Variants in AFDN observed in about 807,000 individuals in gnomAD.
AFDN encodes afadin.
A neutral mutation model predicts 216.6 loss-of-function variants in AFDN; 68 were observed. The observed-to-expected ratio is 0.31, with a 90% CI of 0.26 to 0.38. The LOEUF (loss-of-function observed/expected upper bound fraction) is 0.38, where lower values mean the gene tolerates loss of function less well. AFDN is among the 10% of genes least tolerant of loss of function. The probability of loss-of-function intolerance (pLI) is 1.00; values close to 1 mark genes in which losing one functional copy is unlikely to be tolerated. For missense variants in AFDN, 2,136 were observed against 2,342.0 expected (o/e 0.91, Z 1.82); for synonymous variants, 868 against 853.7 (o/e 1.02, Z -0.29).
intron 1 of AFDN, among the ~76,000 whole-genome samples, chr6:167,859,847 A>T (rs1480334995): frequency 1.3e-5 from 2 of 149,834 alleles, no homozygotes; most frequent in East Asian, 4.0e-4. Flanking sequence ...TTTGTTTTGG[A>T]GTTGACCTAA....
At position 167,962,694 on chromosome 6, in the gene AFDN, C is replaced by T; in HGVS notation, c.4968+127C>T. On this transcript the variant is annotated intron_variant, in intron 31 of 33. Transcript: ENST00000683244. The surrounding 1 kb of genome is among the most constrained non-coding windows in gnomAD (Gnocchi z 5.2). ...CACGAGGCAGAGCAGGGCCTGGCTCCCCCAGCTTTGTGATTGGACCTGCAA... is the reference window on the plus strand; with the variant it reads ...CACGAGGCAGAGCAGGGCCTGGCTCTCCCAGCTTTGTGATTGGACCTGCAA... 1 of 1,546,872 alleles carries T rather than the reference C, an allele frequency of 6.5e-7. No individual in the cohort carries two copies.
intron 1 of AFDN, among the ~76,000 whole-genome samples, chr6:167,837,859 A>C (rs1458986132): frequency 1.3e-5 from 2 of 152,222 alleles, no homozygotes; most frequent in Non-Finnish European, 2.9e-5. Flanking sequence ...TGGAAGTTTT[A>C]TAGGAAAATA....
At chr6:167,960,719 C>T (rs1796951456) in intron 30 of AFDN, among the ~76,000 whole-genome samples, 1 of 152,150 alleles carries the variant, frequency 6.6e-6, no homozygotes, top group South Asian at 2.1e-4. Context: ...CCATCCTTTG[C>T]TCTGGCCCCT....
chr6:167,955,860 A>C (rs1262896020), intron 30 of AFDN, among the ~76,000 whole-genome samples: 1 of 152,114 alleles, frequency 6.6e-6, no homozygotes. Context: ...TCATGCCTGT[A>C]ATCCCAGCAC....
chr6:167,923,002 G>C (rs1385450674), intron 22 of AFDN, 43 bp downstream of exon 22: 2 of 1,349,150 alleles, frequency 1.5e-6, no homozygotes, highest in South Asian at 2.4e-5. Context: ...GGATCCTTAG[G>C]ACTTGAAGAT....
rs1421226695 is a variant in AFDN, at chr6:167,827,321, C to A, written c.105+84C>A. On this transcript the variant is annotated intron_variant, in intron 1 of 33. Coordinates refer to ENST00000683244, the MANE Select transcript of AFDN (RefSeq NM_001386888.1). ...CCTCCCCCCCGCCGCCGCCCGCCAGCCGCGGACCCGCCCTCCTTTCCCCCT... is the reference window on the plus strand; with the variant it reads ...CCTCCCCCCCGCCGCCGCCCGCCAGACGCGGACCCGCCCTCCTTTCCCCCT... The A allele has an allele frequency of 4.2e-5, 16 of 384,024 alleles. No individual in the cohort carries two copies. The South Asian group carries it at 1.6e-3, about 38-fold the overall frequency. 23.8% of individuals were successfully genotyped at this position (384,024 alleles called of 1,614,324 possible).
At chr6:167,942,765 G>A (rs1314179180) in intron 23 of AFDN, among the ~76,000 whole-genome samples, 1 of 152,132 alleles carries the variant, frequency 6.6e-6, no homozygotes, top group Admixed American at 6.6e-5. Context: ...AAGAACAAGG[G>A]TATAAGGGAG....
chr6:167,855,926 C>T (rs1003083727), intron 1 of AFDN, among the ~76,000 whole-genome samples: 14 of 152,118 alleles, frequency 9.2e-5, no homozygotes, highest in African/African-American at 3.4e-4. Context: ...TCTGAGGTTA[C>T]AGTTAGCCAG....
At chr6:167,847,971 C>T (rs918900985) in intron 1 of AFDN, among the ~76,000 whole-genome samples, 3 of 152,136 alleles carry the variant, frequency 2.0e-5, no homozygotes, top group Admixed American at 2.0e-4. Flanking sequence ...TGCTATTTGT[C>T]AGTTATGCCA....
intron 1 of AFDN, among the ~76,000 whole-genome samples, chr6:167,841,082 G>C (rs1482588460): frequency 2.6e-5 from 4 of 152,196 alleles, no homozygotes; most frequent in Admixed American, 1.3e-4. Flanking sequence ...GAGGTAAACT[G>C]GAATTTGGAG....
chr6:167,914,823 G>T, intron 18 of AFDN, 85 bp downstream of exon 18: 1 of 936,658 alleles, frequency 1.1e-6, no homozygotes. Context: ...GTAAGTGGAG[G>T]TGTTTTTAAA....
At chr6:167,831,886 T>G (rs1779866993) in intron 1 of AFDN, among the ~76,000 whole-genome samples, 1 of 152,244 alleles carries the variant, frequency 6.6e-6, no homozygotes, top group Non-Finnish European at 1.5e-5. Flanking sequence ...AATTTTGGTG[T>G]AATGTCAGAC....
rs775496207 is a variant in AFDN at position 167,969,166 on chromosome 6, C to T, written c.5310C>T (p.Ala1770=). Residue 1770 remains alanine (A), a synonymous_variant, in exon 33 of 34, where the codon GCC becomes GCT. Transcript: ENST00000683244. ...STGAAVGAHD[A]CRDAKEKRSK... ...GAGCAGCTGTTGGAGCCCATGACGCCTGTCGGGATGCAAAAGAGAAGCGCT... is the reference window on the plus strand; with the variant it reads ...GAGCAGCTGTTGGAGCCCATGACGCTTGTCGGGATGCAAAAGAGAAGCGCT... 16 of 1,613,924 alleles carry T rather than the reference C, an allele frequency of 9.9e-6. No homozygotes were observed. The highest frequency in any genetic ancestry group is 1.2e-5 in the Non-Finnish European group (14 of 1,179,866).
chr6:167,917,325 G>T (rs960917848), intron 20 of AFDN, 93 bp downstream of exon 20: 16 of 1,252,160 alleles, frequency 1.3e-5, no homozygotes, highest in Non-Finnish European at 1.7e-5. Context: ...TATTTAATAC[G>T]TTAACTTATT....
At chr6:167,860,187 T>TTTTTTTAA (rs1220098188) in intron 1 of AFDN, among the ~76,000 whole-genome samples, 1 of 88,990 alleles carries the variant, frequency 1.1e-5, no homozygotes, top group African/African-American at 4.5e-5. Context: ...TTTTTTTTTT[T>TTTTTTTAA]AGAAACCTTT....
At chr6:167,896,288 C>G (rs1383461542) in intron 9 of AFDN, among the ~76,000 whole-genome samples, 1 of 151,430 alleles carries the variant, frequency 6.6e-6, no homozygotes, top group Non-Finnish European at 1.5e-5. Context: ...AGGGAGCTAA[C>G]CACTTTTAAC....
At chr6:167,888,569 A>AT in intron 6 of AFDN, among the ~76,000 whole-genome samples, 1 of 152,310 alleles carries the variant, frequency 6.6e-6, no homozygotes, top group Middle Eastern at 3.4e-3. Context: ...TTCTTAGATT[A>AT]TTAAAAAAAT....
chr6:167,864,087 C>T (rs900974820), intron 1 of AFDN, among the ~76,000 whole-genome samples: 1 of 152,126 alleles, frequency 6.6e-6, no homozygotes, highest in African/African-American at 2.4e-5. Context: ...ACCTCACGGG[C>T]AGTACAGGCA....
rs1289495248 is a variant in AFDN, at chr6:167,962,334, GTGT to G, written c.4834-97_4834-95del. ...TTTATATTTAACTTTCTGTGTGTGT[GTGT>G]TTGTGTATATGTGTGTCTACTTGTC... is the stretch of plus-strand genomic sequence containing the variant. On this transcript the variant is annotated intron_variant, in intron 30 of 33. Coordinates refer to ENST00000683244, the MANE Select transcript of AFDN (RefSeq NM_001386888.1). The surrounding 1 kb of genome is among the most constrained non-coding windows in gnomAD (Gnocchi z 5.2). 1 of 1,482,498 alleles carries G rather than the reference GTGT, an allele frequency of 6.7e-7. No individual in the cohort carries two copies. Among genetic ancestry groups the G allele is most frequent in the Non-Finnish European group, 9.1e-7 (1 of 1,093,936 alleles). The allele number at this position is 1,482,498 out of a possible 1,614,324, so 91.8% of individuals were successfully genotyped here.
Sources: gnomAD v4.1 joint callset for allele counts (sites outside exome capture counted in the v4.1 genomes callset) on GRCh38, gnomAD v4.1.1 for gene constraint, Gnocchi (gnomAD v3.1) non-coding constraint, MANE v1.5 for transcripts, NCBI Gene and HGNC (gene_info 2026-07-23, HGNC 2026-07-21) for gene names.